UQCC1: variants seen among roughly 807,000 people sequenced by gnomAD.
UQCC1 encodes bFGF-repressed Zic-binding protein.
In UQCC1, 38 loss-of-function variants were observed where a neutral mutation model predicts 48.0. The ratio of observed to expected loss-of-function variants is 0.79; its 90% confidence interval spans 0.61 to 1.04. The LOEUF (loss-of-function observed/expected upper bound fraction) is 1.04. UQCC1 is among the 50% of genes least tolerant of loss of function. The pLI is 0.00. For synonymous variants in UQCC1, 111 were observed against 129.2 expected (o/e 0.86, Z 0.95); for missense variants, 368 against 381.8 (o/e 0.96, Z 0.30).
chr20:35,344,940 G>A (rs754662432), intron 7 of UQCC1: 1 of 152,208 alleles, frequency 6.6e-6, no homozygotes, highest in Non-Finnish European at 1.5e-5. Context: ...ATGGCCAGTG[G>A]TTTAATCAGT....
At chr20:35,405,966 C>A (rs1321335536) in intron 1 of UQCC1, among the ~76,000 whole-genome samples, 5 of 151,980 alleles carry the variant, frequency 3.3e-5, no homozygotes. Flanking sequence ...CAGATTTGAA[C>A]AGGCAGAAGA....
At chr20:35,360,980 A>G (rs1478529959) in intron 6 of UQCC1, among the ~76,000 whole-genome samples, 2 of 152,182 alleles carry the variant, frequency 1.3e-5, no homozygotes, top group Non-Finnish European at 2.9e-5. Context: ...ACTACTGAGT[A>G]AGTGGCCTGA....
At chr20:35,363,921 G>C (rs550731881) in intron 6 of UQCC1, among the ~76,000 whole-genome samples, 6 of 152,154 alleles carry the variant, frequency 3.9e-5, no homozygotes, top group African/African-American at 1.4e-4. Flanking sequence ...CACAGACTTG[G>C]GGTGGATCCA....
At chr20:35,313,496 C>A (rs1241648766) in intron 8 of UQCC1, among the ~76,000 whole-genome samples, 2 of 151,842 alleles carry the variant, frequency 1.3e-5, no homozygotes, top group Non-Finnish European at 2.9e-5. Context: ...TAGTGTAACT[C>A]CAGTTGCATA....
At chr20:35,360,798 C>A (rs2061597424) in intron 6 of UQCC1, among the ~76,000 whole-genome samples, 1 of 152,124 alleles carries the variant, frequency 6.6e-6, no homozygotes, top group Non-Finnish European at 1.5e-5. Context: ...AAACACGGGG[C>A]CCATCATACA....
chr20:35,318,474 C>A (rs149598629), intron 7 of UQCC1, among the ~76,000 whole-genome samples: 1 of 152,218 alleles, frequency 6.6e-6, no homozygotes, highest in Admixed American at 6.5e-5. Flanking sequence ...TTGGGATACA[C>A]CTGCATTCTG....
rs1466179982 is a variant in UQCC1, at chr20:35,411,939, C to T, written c.24+1G>A. The T allele has an allele frequency of 6.2e-7, 1 of 1,614,246 alleles. No homozygotes were observed. The highest frequency in any genetic ancestry group is 1.7e-5 in the Admixed American group (1 of 60,024). On this transcript the variant is annotated splice_donor_variant, in intron 1 of 9. Transcript: ENST00000374385. LOFTEE classifies it high-confidence loss of function. ...CCGTAGAAAATTACTCCTTCACTCA[C>T]AAGGACTCGCACCAGCAACGCCATG...
At chr20:35,388,197 G>T (rs1256325370) in intron 2 of UQCC1, among the ~76,000 whole-genome samples, 1 of 151,486 alleles carries the variant, frequency 6.6e-6, no homozygotes, top group East Asian at 1.9e-4. Flanking sequence ...GGCCACCCTG[G>T]TCTCAAACTC....
In UQCC1 at chr20:35,347,284, G is replaced by A. The variant is rs1316055303; in HGVS notation, c.465-12C>T. ...GGACTAGACACATCCTGGGTGGGAA[G>A]AAGACAAAAAAAGTCTTGGCTGTTT... is the stretch of plus-strand genomic sequence containing the variant. On this transcript the variant is annotated splice_polypyrimidine_tract_variant and intron_variant, in intron 6 of 9. Coordinates refer to ENST00000374385, the MANE Select transcript of UQCC1 (RefSeq NM_018244.5). The A allele has an allele frequency of 1.9e-6, 3 of 1,612,720 alleles. No individual in the cohort carries two copies. Among genetic ancestry groups the A allele is most frequent in the South Asian group, 1.1e-5 (1 of 91,062 alleles).
chr20:35,324,164 C>T (rs1600873441), intron 7 of UQCC1, among the ~76,000 whole-genome samples: 3 of 152,176 alleles, frequency 2.0e-5, no homozygotes, highest in Non-Finnish European at 4.4e-5. Context: ...TGCTAAGATC[C>T]CTTAGCTGCC....
At chr20:35,385,735 A>C (rs2061933811) in intron 2 of UQCC1, among the ~76,000 whole-genome samples, 1 of 152,060 alleles carries the variant, frequency 6.6e-6, no homozygotes, top group Non-Finnish European at 1.5e-5. Context: ...TCCTGGGCTC[A>C]AGTGAGTGAT....
chr20:35,402,614 AAAT>A (rs1481634322), intron 1 of UQCC1, among the ~76,000 whole-genome samples: 6 of 143,928 alleles, frequency 4.2e-5, no homozygotes, highest in Non-Finnish European at 6.0e-5. Flanking sequence ...CAAACAAACA[AAAT>A]ATATATATAT....
intron 5 of UQCC1, among the ~76,000 whole-genome samples, chr20:35,370,996 A>C (rs1324763347): frequency 6.6e-6 from 1 of 152,226 alleles, no homozygotes. Context: ...GAAAACAGTA[A>C]TACAAGCCCT....
intron 4 of UQCC1, among the ~76,000 whole-genome samples, chr20:35,377,343 C>G (rs992110686): frequency 6.6e-6 from 1 of 152,186 alleles, no homozygotes; most frequent in African/African-American, 2.4e-5. Flanking sequence ...ACTTGCAGTT[C>G]TAGGAAGTAT....
chr20:35,322,732 AAAAAAC>A (rs538020583), intron 7 of UQCC1, among the ~76,000 whole-genome samples: 43 of 152,228 alleles, frequency 2.8e-4, no homozygotes, highest in South Asian at 1.2e-3. Context: ...ACTCTGTCTC[AAAAAAC>A]AAAAACAAAA....
chr20:35,358,754 T>C (rs1478341990), intron 6 of UQCC1, among the ~76,000 whole-genome samples: 1 of 152,150 alleles, frequency 6.6e-6, no homozygotes, highest in Non-Finnish European at 1.5e-5. Flanking sequence ...CAGACACGGT[T>C]TCACCATGTT....
intron 6 of UQCC1, among the ~76,000 whole-genome samples, chr20:35,365,968 C>A (rs1184241653): frequency 6.6e-6 from 1 of 152,186 alleles, no homozygotes; most frequent in Non-Finnish European, 1.5e-5. Context: ...ACTTCAACGA[C>A]TCTCCTATAT....
intron 6 of UQCC1, among the ~76,000 whole-genome samples, chr20:35,359,439 T>C (rs2061581766): frequency 6.6e-6 from 1 of 152,192 alleles, no homozygotes; most frequent in Non-Finnish European, 1.5e-5. Context: ...TTCAAAGGAA[T>C]AGGAGAGTTT....
chr20:35,369,519 T>G (rs2061706015), intron 5 of UQCC1, among the ~76,000 whole-genome samples: 1 of 152,236 alleles, frequency 6.6e-6, no homozygotes, highest in South Asian at 2.1e-4. Context: ...AGTTCATTAC[T>G]GTTATGGGGT....
Sources: gnomAD v4.1 joint callset for allele counts (sites outside exome capture counted in the v4.1 genomes callset) on GRCh38, gnomAD v4.1.1 for gene constraint, MANE v1.5 for transcripts, NCBI Gene and HGNC (gene_info 2026-07-23, HGNC 2026-07-21) for gene names.